The following RBFOX1 variants were observed in gnomAD, a reference collection of about 807,000 sequenced individuals.
The protein encoded by RBFOX1 is RNA binding protein fox-1 homolog 1.
Under a neutral mutation model 57.7 loss-of-function variants are expected in RBFOX1, and 8 were observed. The ratio of observed to expected loss-of-function variants is 0.14; its 90% CI spans 0.08 to 0.25. The LOEUF (loss-of-function observed/expected upper bound fraction) is 0.25, where lower values mean the gene tolerates loss of function less well. Ranked by LOEUF, RBFOX1 falls within the 10% of genes least tolerant of loss-of-function variation. The pLI is 1.00. For synonymous variants in RBFOX1, 326 were observed against 222.4 expected (o/e 1.47, Z -4.15); for missense variants, 611 against 548.5 (o/e 1.11, Z -1.14).
intron 2 of RBFOX1, among the ~76,000 whole-genome samples, chr16:6,498,256 CAAAA>C (rs761732760): frequency 2.1e-4 from 19 of 91,162 alleles, no homozygotes; most frequent in African/African-American, 7.7e-4. Flanking sequence ...CGTCTCAAAA[CAAAA>C]AAAAAAAAAA....
At chr16:5,879,235 T>C (rs1219027050) in intron 4 of RBFOX1, among the ~76,000 whole-genome samples, 7 of 152,170 alleles carry the variant, frequency 4.6e-5, no homozygotes, top group Non-Finnish European at 7.4e-5. Context: ...GCTTCCTGAG[T>C]TCCAATGAGC....
At chr16:7,572,898 A>G (rs1462173394) in intron 5 of RBFOX1, among the ~76,000 whole-genome samples, 2 of 138,840 alleles carry the variant, frequency 1.4e-5, no homozygotes, top group East Asian at 4.3e-4. Flanking sequence ...TGGTACTGAC[A>G]TTGAGGAACC....
intron 3 of RBFOX1, among the ~76,000 whole-genome samples, chr16:6,670,288 T>G (rs1477300076): frequency 6.6e-6 from 1 of 152,118 alleles, no homozygotes; most frequent in Non-Finnish European, 1.5e-5. Flanking sequence ...CAGGCTGGCT[T>G]CCAAGTCCGG....
intron 3 of RBFOX1, among the ~76,000 whole-genome samples, chr16:5,843,279 C>G (rs1301924755): frequency 6.6e-6 from 1 of 152,206 alleles, no homozygotes; most frequent in Admixed American, 6.5e-5. Context: ...TTCTGATCCT[C>G]TAACTCCTCC....
chr16:7,137,314 A>C (rs1389597450), intron 4 of RBFOX1, among the ~76,000 whole-genome samples: 9 of 152,116 alleles, frequency 5.9e-5, no homozygotes. Context: ...GTCATCTTGA[A>C]CTGTAGCTCC....
intron 2 of RBFOX1, among the ~76,000 whole-genome samples, chr16:5,528,486 G>A (rs1035322735): frequency 9.2e-5 from 14 of 151,674 alleles, no homozygotes; most frequent in South Asian, 2.1e-4. Flanking sequence ...TGCCTAAAGC[G>A]ACAATGGCAT....
rs182800716 is a variant in RBFOX1, at chr16:7,578,279, G to A, written c.271-1498G>A. Among the ~76,000 whole-genome samples, 5 of 152,262 alleles carry A rather than the reference G, an allele frequency of 3.3e-5. No individual in the cohort carries two copies. In the East Asian group the frequency reaches 9.6e-4, roughly 29 times the overall value. On this transcript the variant is annotated intron_variant, in intron 5 of 15. Transcript: ENST00000550418. Reference sequence around the variant, plus strand: ...CAGTTAAGAAAATGACCACTGTACTGCTTCCTATTCAATCCAACAGTATAG... The same window carrying A: ...CAGTTAAGAAAATGACCACTGTACTACTTCCTATTCAATCCAACAGTATAG...
chr16:5,823,326 A>G (rs574854263), intron 3 of RBFOX1, among the ~76,000 whole-genome samples: 66 of 152,342 alleles, frequency 4.3e-4, no homozygotes, highest in Admixed American at 7.8e-4. Context: ...TGAATACCAG[A>G]TGGCAAGTAC....
At chr16:7,022,183 C>T (rs1332484659) in intron 3 of RBFOX1, among the ~76,000 whole-genome samples, 2 of 150,382 alleles carry the variant, frequency 1.3e-5, no homozygotes, top group East Asian at 4.0e-4. Context: ...CCCACCTCAG[C>T]CTCCTGAGTA....
chr16:6,947,296 C>G (rs1200777923), intron 3 of RBFOX1, among the ~76,000 whole-genome samples: 2 of 152,134 alleles, frequency 1.3e-5, no homozygotes, highest in African/African-American at 4.8e-5. Context: ...TAAGGTCACC[C>G]TTCCCACAGG....
At chr16:5,674,213 A>T (rs2050100088) in intron 3 of RBFOX1, among the ~76,000 whole-genome samples, 1 of 152,250 alleles carries the variant, frequency 6.6e-6, no homozygotes, top group Non-Finnish European at 1.5e-5. Flanking sequence ...TTATTCTGGA[A>T]GGAGCATAGG....
chr16:5,903,428 G>A (rs1322942936), intron 4 of RBFOX1, among the ~76,000 whole-genome samples: 1 of 152,076 alleles, frequency 6.6e-6, no homozygotes, highest in African/African-American at 2.4e-5. Context: ...GCAGATCCCT[G>A]TTTGCAAAAG....
intron 1 of RBFOX1, among the ~76,000 whole-genome samples, chr16:5,252,997 G>A (rs1328495970): frequency 1.3e-5 from 2 of 152,314 alleles, no homozygotes; most frequent in East Asian, 1.9e-4. Flanking sequence ...CACCGCCGGT[G>A]TGCCTGATTC....
chr16:7,200,099 G>T (rs2087934112), intron 4 of RBFOX1, among the ~76,000 whole-genome samples: 1 of 152,178 alleles, frequency 6.6e-6, no homozygotes, highest in African/African-American at 2.4e-5. Flanking sequence ...TAGTGTCAGG[G>T]ACATGAACAC....
intron 1 of RBFOX1, among the ~76,000 whole-genome samples, chr16:5,282,420 A>C (rs530439335): frequency 6.6e-6 from 1 of 152,352 alleles, no homozygotes; most frequent in East Asian, 1.9e-4. Flanking sequence ...GGAAACAGGC[A>C]GAGGTTGGAA....
chr16:7,053,219 C>G (rs575771047), intron 4 of RBFOX1, among the ~76,000 whole-genome samples: 22 of 152,204 alleles, frequency 1.4e-4, no homozygotes, highest in Admixed American at 3.3e-4. Flanking sequence ...TGCATGAAAC[C>G]GAGAAAGTGA....
intron 2 of RBFOX1, among the ~76,000 whole-genome samples, chr16:6,349,393 T>C (rs759492806): frequency 2.2e-4 from 33 of 152,320 alleles, no homozygotes; most frequent in Admixed American, 3.3e-4. Flanking sequence ...CTTTTGATAA[T>C]AGATTTAAAG....
At chr16:7,407,173 T>C (rs2098357828) in intron 4 of RBFOX1, among the ~76,000 whole-genome samples, 1 of 152,198 alleles carries the variant, frequency 6.6e-6, no homozygotes, top group Non-Finnish European at 1.5e-5. Context: ...CAGAGCAGTA[T>C]ACACTGAATC....
At chr16:7,073,276 C>A (rs1010404033) in intron 4 of RBFOX1, among the ~76,000 whole-genome samples, 4 of 152,104 alleles carry the variant, frequency 2.6e-5, no homozygotes, top group Non-Finnish European at 5.9e-5. Flanking sequence ...CCTAAAATTT[C>A]TACTATTTGG....
Sources: gnomAD v4.1 joint callset for allele counts (sites outside exome capture counted in the v4.1 genomes callset) on GRCh38, gnomAD v4.1.1 for gene constraint, MANE v1.5 for transcripts, NCBI Gene and HGNC (gene_info 2026-07-23, HGNC 2026-07-21) for gene names.